The following MYO6 variants were observed in gnomAD, a reference collection of about 807,000 sequenced individuals.
MYO6 encodes the protein myosin VI, also known as unconventional myosin-VI.
In MYO6, 74 loss-of-function variants were observed where a neutral mutation model predicts 178.7. That is an observed-to-expected ratio of 0.41 (90% confidence interval 0.34 to 0.50). The LOEUF is 0.50. MYO6 is among the 20% of genes least tolerant of loss of function. MYO6 has a pLI of 0.09. For missense variants in MYO6, 1,330 were observed against 1,547.4 expected, an observed-to-expected ratio of 0.86 and a Z score of 2.36; for synonymous variants, 477 against 504.6, an observed-to-expected ratio of 0.95 and a Z score of 0.73.
chr6:75,813,534 C>T (rs1770903707), intron 1 of MYO6, among the ~76,000 whole-genome samples: 2 of 152,206 alleles, frequency 1.3e-5, no homozygotes, highest in Non-Finnish European at 2.9e-5. Context: ...CCCACTCTGG[C>T]TGAGCTGGTA....
intron 3 of MYO6, 103 bp downstream of exon 3, chr6:75,822,954 A>G: frequency 2.6e-5 from 23 of 886,608 alleles, no homozygotes; most frequent in Non-Finnish European, 4.3e-5. Flanking sequence ...GCGGGTTCAG[A>G]AACAATCTAG....
intron 1 of MYO6, among the ~76,000 whole-genome samples, chr6:75,806,907 T>C (rs1386171845): frequency 6.6e-6 from 1 of 152,130 alleles, no homozygotes; most frequent in Non-Finnish European, 1.5e-5. Flanking sequence ...TTCACACCTC[T>C]ATATTTCTGT....
chr6:75,848,654 A>G (rs1278309284), intron 11 of MYO6, 123 bp downstream of exon 11: 2 of 920,824 alleles, frequency 2.2e-6, no homozygotes, highest in Non-Finnish European at 3.3e-6. Context: ...TCTAAAATAT[A>G]CTGAGTTAAA....
Position 75,884,849 on chromosome 6 carries a change from C to G in MYO6, c.2417-1155C>G, listed in dbSNP as rs527713535. On this transcript the variant is annotated intron_variant, in intron 23 of 34. Coordinates refer to ENST00000369977, the MANE Select transcript of MYO6 (RefSeq NM_004999.4). ...TCTGGAGCACTGATTTTAGGTGTTA[C>G]AACTGTGATGTTATACCTGGGAGCA... Among the ~76,000 whole-genome samples, 41 of 152,090 alleles carry G rather than the reference C, an allele frequency of 2.7e-4. 1 individual carries two copies. Among genetic ancestry groups the G allele is most frequent in the Admixed American group, 2.2e-3 (34 of 15,270 alleles).
intron 7 of MYO6, among the ~76,000 whole-genome samples, chr6:75,839,505 A>G (rs1774000601): frequency 6.6e-6 from 1 of 152,156 alleles, no homozygotes; most frequent in Admixed American, 6.5e-5. Flanking sequence ...TGTTTATTAT[A>G]GGAAGAACAT....
chr6:75,751,034 T>C (rs903638443), intron 1 of MYO6, among the ~76,000 whole-genome samples: 1 of 152,234 alleles, frequency 6.6e-6, no homozygotes, highest in Non-Finnish European at 1.5e-5. Context: ...TCTTGGGTTG[T>C]GGTTTTCAAA....
At chr6:75,823,639 T>G (rs1772136672) in intron 3 of MYO6, among the ~76,000 whole-genome samples, 1 of 152,206 alleles carries the variant, frequency 6.6e-6, no homozygotes, top group Non-Finnish European at 1.5e-5. Context: ...TCTCTGGAAT[T>G]CACATTTGAG....
chr6:75,914,194 G>A lies in MYO6; in HGVS notation c.3571G>A (p.Gly1191Ser), dbSNP rs762899172. Residue 1191 changes from glycine (G) to serine (S), a missense_variant, in exon 34 of 35, where the codon GGC becomes AGC. Physicochemically the swap from Gly to Ser is moderately conservative, Grantham distance 56 (BLOSUM62 0). Coordinates refer to ENST00000369977, the MANE Select transcript of MYO6 (RefSeq NM_004999.4). ...QYKDPQSKKK[G>S]WWYAHFDGPW... is the part of the protein sequence containing the mutation. Reference sequence around the variant, plus strand: ...CAAAGACCCTCAGAGTAAGAAAAAAGGCTGGTGGTATGCCCATTTTGATGG... The same window carrying A: ...CAAAGACCCTCAGAGTAAGAAAAAAAGCTGGTGGTATGCCCATTTTGATGG... The A allele has an allele frequency of 6.2e-7, 1 of 1,614,136 alleles. No individual in the cohort carries two copies.
At chr6:75,835,189 T>C (rs2150230155) in intron 6 of MYO6, among the ~76,000 whole-genome samples, 1 of 152,318 alleles carries the variant, frequency 6.6e-6, no homozygotes, top group East Asian at 1.9e-4. Flanking sequence ...CTATAGTTTA[T>C]GAATATGATA....
chr6:75,909,261 A>T (rs1046344637), intron 32 of MYO6, among the ~76,000 whole-genome samples: 2 of 152,166 alleles, frequency 1.3e-5, no homozygotes, highest in African/African-American at 4.8e-5. Flanking sequence ...CAATATTGTT[A>T]TCTTTTTTAT....
In MYO6 at chr6:75,890,122, ACTC is replaced by A. The variant is rs1385159470; in HGVS notation, c.2728_2730del (p.Leu910del). 1 of 1,613,742 alleles carries A rather than the reference ACTC, an allele frequency of 6.2e-7. No homozygotes were observed. The highest frequency in any genetic ancestry group is 8.5e-7 in the Non-Finnish European group (1 of 1,179,966). Reference sequence around the variant, plus strand: ...ATGCACTGGTTAAAAGCTCAGAGGAACTCCTCAGTGCATTACAGAAAAAAAAAC... The same window carrying A: ...ATGCACTGGTTAAAAGCTCAGAGGAACTCAGTGCATTACAGAAAAAAAAAC... On this transcript the variant is annotated inframe_deletion, in exon 26 of 35. Coordinates refer to ENST00000369977, the MANE Select transcript of MYO6 (RefSeq NM_004999.4).
chr6:75,875,214 A>G (rs1237410225), intron 20 of MYO6, among the ~76,000 whole-genome samples: 1 of 152,218 alleles, frequency 6.6e-6, no homozygotes, highest in Non-Finnish European at 1.5e-5. Context: ...TTGACTCCTA[A>G]GTACTTGAAA....
At chr6:75,757,972 CTTTTTTTTTTT>C (rs71002761) in intron 1 of MYO6, among the ~76,000 whole-genome samples, 1 of 74,298 alleles carries the variant, frequency 1.3e-5, no homozygotes, top group Non-Finnish European at 2.3e-5. Flanking sequence ...TTGAAGTTGG[CTTTTTTTTTTT>C]TTTTTTTTTT....
rs527432692 is a variant in MYO6 at position 75,830,551 on chromosome 6, T to C, written c.391+6T>C. ...ACCTCATGTCTTTGCAATTGGTAAG[T>C]GATTTTAAATGTATTTTAATTCTTG... is the stretch of plus-strand genomic sequence containing the variant. On this transcript the variant is annotated splice_donor_region_variant and intron_variant, in intron 5 of 34. Coordinates refer to ENST00000369977, the MANE Select transcript of MYO6 (RefSeq NM_004999.4). The C allele has an allele frequency of 3.1e-6, 5 of 1,608,838 alleles. No homozygotes were observed. The South Asian group carries it at 5.5e-5, about 18-fold the overall frequency.
intron 1 of MYO6, among the ~76,000 whole-genome samples, chr6:75,784,776 CAAAAAAAAAAAAAA>C (rs754218278): frequency 2.6e-4 from 14 of 54,402 alleles, no homozygotes; most frequent in Admixed American, 4.3e-4. Context: ...GACTCCGTCT[CAAAAAAAAAAAAAA>C]AAAAAAAAAA....
intron 1 of MYO6, 39 bp downstream of exon 1, chr6:75,749,462 G>C (rs1776650768): frequency 6.6e-6 from 1 of 152,258 alleles, no homozygotes; most frequent in Non-Finnish European, 1.5e-5. Flanking sequence ...CGTCGGCGCC[G>C]GGGTCTCGCG....
At chr6:75,829,788 A>C (rs1050992073) in intron 4 of MYO6, among the ~76,000 whole-genome samples, 33 of 152,354 alleles carry the variant, frequency 2.2e-4, no homozygotes, top group African/African-American at 7.0e-4. Context: ...AAGCAAGCTT[A>C]AGTTGCTCAT....
intron 1 of MYO6, among the ~76,000 whole-genome samples, chr6:75,771,531 A>G (rs1419750844): frequency 1.3e-5 from 2 of 152,226 alleles, no homozygotes; most frequent in Non-Finnish European, 2.9e-5. Context: ...TTAGAGAGAA[A>G]AAATCAGCTA....
Position 75,855,266 on chromosome 6 carries a change from C to A in MYO6, c.1206C>A (p.Thr402=), listed in dbSNP as rs2149278470. ...TRVMLTTAGG[T]KGTVIKVPLK... ...TCATGCTAACAACAGCAGGGGGCAC[C>A]AAAGGAACAGTTATAAAGTAAGTTC... Residue 402 remains threonine (T), a synonymous_variant, in exon 12 of 35, where the codon ACC becomes ACA. Transcript: ENST00000369977. 6.2e-7 allele frequency: 1 copy of A among 1,613,424 alleles called. No homozygotes were observed. Among genetic ancestry groups the A allele is most frequent in the East Asian group, 2.2e-5 (1 of 44,822 alleles).
Sources: allele counts gnomAD v4.1 joint callset (sites outside exome capture counted in the v4.1 genomes callset), GRCh38; gene constraint gnomAD v4.1.1; transcripts MANE v1.5; gene names NCBI Gene and HGNC (gene_info 2026-07-23, HGNC 2026-07-21).